SHC1: variants seen among roughly 807,000 people sequenced by gnomAD.
The protein encoded by SHC1 is SHC-transforming protein 1.
SHC1 carries 30 observed loss-of-function variants against 55.9 expected under a neutral mutation model. The ratio of observed to expected loss-of-function variants is 0.54; its 90% CI spans 0.40 to 0.73. The LOEUF (loss-of-function observed/expected upper bound fraction) is 0.73, where lower values mean the gene tolerates loss of function less well. SHC1 is among the 30% of genes least tolerant of loss of function. SHC1 has a pLI of 0.00. For synonymous variants in SHC1, 309 were observed against 306.1 expected (o/e 1.01, Z -0.10); for missense variants, 675 against 777.1 (o/e 0.87, Z 1.56).
upstream of SHC1, among the ~76,000 whole-genome samples, chr1:154,971,201 G>T (rs969996865): frequency 1.3e-5 from 2 of 152,084 alleles, no homozygotes; most frequent in African/African-American, 4.8e-5. Context: ...CTCTATGCCC[G>T]AAAGCTGGCT....
chr1:154,967,904 T>G lies in SHC1; in HGVS notation c.856+76A>C, dbSNP rs1656214459. The G allele has an allele frequency of 1.9e-6, 3 of 1,604,444 alleles. No individual in the cohort carries two copies. The South Asian group carries it at 3.3e-5, about 18-fold the overall frequency. On this transcript the variant is annotated intron_variant, in intron 6 of 11. Coordinates refer to ENST00000448116, the MANE Select transcript of SHC1 (RefSeq NM_001130040.2). ...AACCCCCACTGAGATCTACTTAGAG[T>G]GGGTACAGATGACCAAAGGTCCTAC... is the stretch of plus-strand genomic sequence containing the variant.
chr1:154,970,822 A>G, upstream of SHC1: 1 of 291,028 alleles, frequency 3.4e-6, no homozygotes, highest in Non-Finnish European at 6.5e-6. This position sits in a 1 kb window ranked among gnomAD's most constrained non-coding sequence, Gnocchi z 5.5. Context: ...GGAGAGACCA[A>G]TCGTGAGGAC....
intron 11 of SHC1, chr1:154,964,345 G>A (rs1348905656): frequency 2.2e-6 from 1 of 457,852 alleles, no homozygotes; most frequent in East Asian, 7.0e-5. Context: ...AGAACAGCTT[G>A]GGCAACATGG....
chr1:154,971,223 A>G (rs763261389), upstream of SHC1, among the ~76,000 whole-genome samples: 1 of 152,072 alleles, frequency 6.6e-6, no homozygotes, highest in African/African-American at 2.4e-5. Context: ...GCCCCAGCCC[A>G]GGCCACCCCC....
intron 7 of SHC1, among the ~76,000 whole-genome samples, 169 bp from the exon 8 acceptor site, chr1:154,966,686 G>A (rs1656031632): frequency 6.6e-6 from 1 of 152,216 alleles, no homozygotes; most frequent in South Asian, 2.1e-4. Context: ...CGTAAGGTAG[G>A]TATTGTTTCC....
Position 154,963,672 on chromosome 1 carries a change from C to T in SHC1, c.*131G>A. ...CTCTCACTCAGCTGGATATGAAACC[C>T]AGAGTCCATGCTACTCCCAGCTCTG... On this transcript the variant is annotated 3_prime_UTR_variant, in exon 12 of 12. Transcript: ENST00000448116. 1 of 895,040 alleles carries T rather than the reference C, an allele frequency of 1.1e-6. No homozygotes were observed. Among genetic ancestry groups the T allele is most frequent in the Non-Finnish European group, 1.7e-6 (1 of 584,094 alleles). 55.4% of individuals were successfully genotyped at this position (895,040 alleles called of 1,614,324 possible).
Position 154,970,694 on chromosome 1 carries a change from T to A in SHC1, c.-168A>T. The A allele has an allele frequency of 1.8e-6, 1 of 555,548 alleles. No individual in the cohort carries two copies. Among genetic ancestry groups the A allele is most frequent in the South Asian group, 2.3e-5 (1 of 44,076 alleles). 34.4% of individuals were successfully genotyped at this position (555,548 alleles called of 1,614,324 possible). A position where few individuals can be genotyped will look rare whatever the true frequency, so the allele number is the denominator to read the frequency against. On this transcript the variant is annotated 5_prime_UTR_variant, in exon 1 of 12. An upstream open reading frame in the 5' UTR loses its in-frame stop. Transcript: ENST00000448116. This position sits in a 1 kb window ranked among gnomAD's most constrained non-coding sequence, Gnocchi z 5.5. ...GGACAAGTGGCTTCCGCTCCCCAGC[T>A]CAGACCCAGACAGTTTCAGGCCCCA...
chr1:154,964,091 T>G, intron 11 of SHC1, 160 bp from the exon 12 acceptor site: 1 of 807,292 alleles, frequency 1.2e-6, no homozygotes, highest in East Asian at 2.5e-5. Flanking sequence ...GAGGCTTCTC[T>G]AGAAAGAGAC....
Position 154,970,445 on chromosome 1 carries a change from A to C in SHC1, c.82T>G (p.Ser28Ala). 3 of 1,611,380 alleles carry C rather than the reference A, an allele frequency of 1.9e-6. No individual in the cohort carries two copies. The highest frequency in any genetic ancestry group is 1.1e-5 in the South Asian group (1 of 90,898). The part of the protein sequence containing the change: ...LSSLEEGASG[S>A]TPPEELPSPS... ...GAAGGCAGCTCCTCCGGGGGGGTGG[A>C]CCCAGAAGCCCCTTCCTCCAGCGAT... The change falls in exon 1 of 12, where the codon TCC becomes GCC. Residue 28 changes from serine (S) to alanine (A), a missense_variant. Transcript: ENST00000448116. The surrounding 1 kb of genome is among the most constrained non-coding windows in gnomAD (Gnocchi z 5.5).
At chr1:154,968,944 T>A in intron 2 of SHC1, 110 bp from the exon 3 acceptor site, 1 of 908,212 alleles carries the variant, frequency 1.1e-6, no homozygotes, top group Admixed American at 1.8e-5. Context: ...CCCAGGGCAC[T>A]CCAGGCTCTT....
rs1257636741 is a variant in SHC1, at chr1:154,966,018, G to C, written c.1315C>G (p.Gln439Glu). The change falls in exon 10 of 12, where the codon CAA becomes GAA. Residue 439 changes from glutamine to glutamate, a missense_variant. Transcript: ENST00000448116. ...GGGGGCCCAGCACCACCCACTGCTT[G>C]CCGGGCCTTGTCTAGGTTCTGGACG... is the stretch of plus-strand genomic sequence containing the variant. ...VNVQNLDKAR[Q>E]AVGGAGPPNP... The C allele has an allele frequency of 1.2e-6, 2 of 1,614,074 alleles. No homozygotes were observed. Among genetic ancestry groups the C allele is most frequent in the Admixed American group, 1.7e-5 (1 of 60,012 alleles).
chr1:154,968,958 C>T, intron 2 of SHC1, 124 bp from the exon 3 acceptor site: 1 of 832,574 alleles, frequency 1.2e-6, no homozygotes, highest in South Asian at 1.4e-5. Context: ...GGCTCTTTGT[C>T]ATGGTGGATT....
chr1:154,968,241 T>G lies in SHC1; in HGVS notation c.767A>C (p.His256Pro). The G allele has an allele frequency of 2.5e-6, 4 of 1,614,080 alleles. No individual in the cohort carries two copies. The highest frequency in any genetic ancestry group is 3.4e-6 in the Non-Finnish European group (4 of 1,179,980). Residue 256 changes from histidine to proline, a missense_variant, in exon 5 of 12, where the codon CAC becomes CCC. Coordinates refer to ENST00000448116, the MANE Select transcript of SHC1 (RefSeq NM_001130040.2). ...ADCKQIIANH[H>P]MQSISFASGG... Reference sequence around the variant, plus strand: ...GGATGCAAATGAGATAGATTGCATGTGGTGGTTGGCGATGATCTGAGAATT... The same window carrying G: ...GGATGCAAATGAGATAGATTGCATGGGGTGGTTGGCGATGATCTGAGAATT...
chr1:154,963,733 G>T lies in SHC1; in HGVS notation c.*70C>A. 1.3e-6 allele frequency: 2 copies of T among 1,549,746 alleles called. No homozygotes were observed. The highest frequency in any genetic ancestry group is 2.3e-5 in the South Asian group (2 of 87,604). On this transcript the variant is annotated 3_prime_UTR_variant, in exon 12 of 12. Coordinates refer to ENST00000448116, the MANE Select transcript of SHC1 (RefSeq NM_001130040.2). Reference sequence around the variant, plus strand: ...AAGCCCACAGAACACTCCCAAACGAGGTCCCGAGAGTTAGGGAATAGGGTG... The same window carrying T: ...AAGCCCACAGAACACTCCCAAACGATGTCCCGAGAGTTAGGGAATAGGGTG...
Position 154,965,719 on chromosome 1 carries a change from G to A in SHC1, c.1450C>T (p.Leu484Phe). Residue 484 changes from leucine to phenylalanine, a missense_variant, in exon 11 of 12, where the codon CTC (leucine) becomes TTC (phenylalanine). By Grantham distance (22) the Leu-to-Phe change is conservative (BLOSUM62 0). Around this residue, in one of 3 missense-constraint regions of SHC1, gnomAD observed 360 missense variants for 371.1 expected, o/e 0.97. Transcript: ENST00000448116. Reference protein sequence around the residue: ...PPQSVSMAEQLRGEPWFHGKL... With the variant: ...PPQSVSMAEQFRGEPWFHGKL... Reference sequence around the variant, plus strand: ...CCATGGAACCAGGGCTCCCCTCGGAGCTGCTCAGCCATGGACACCGACTGG... The same window carrying A: ...CCATGGAACCAGGGCTCCCCTCGGAACTGCTCAGCCATGGACACCGACTGG... 2 of 1,614,176 alleles carry A rather than the reference G, an allele frequency of 1.2e-6. No homozygotes were observed. Among genetic ancestry groups the A allele is most frequent in the Non-Finnish European group, 1.7e-6 (2 of 1,180,022 alleles).
In SHC1 at chr1:154,967,662, C is replaced by T; in HGVS notation, c.983+9G>A. 6.2e-7 allele frequency: 1 copy of T among 1,613,506 alleles called. No homozygotes were observed. The highest frequency in any genetic ancestry group is 8.5e-7 in the Non-Finnish European group (1 of 1,179,602). On this transcript the variant is annotated intron_variant, in intron 7 of 11. Coordinates refer to ENST00000448116, the MANE Select transcript of SHC1 (RefSeq NM_001130040.2). Reference sequence around the variant, plus strand: ...CAAGAGCTGCTCCACACTCTCCCCACCTGCTCACCTGTCATGAGGGGTGAC... The same window carrying T: ...CAAGAGCTGCTCCACACTCTCCCCATCTGCTCACCTGTCATGAGGGGTGAC...
chr1:154,969,618 G>A (rs948982151), intron 1 of SHC1, among the ~76,000 whole-genome samples, 170 bp from the exon 2 acceptor site: 1 of 152,222 alleles, frequency 6.6e-6, no homozygotes, highest in African/African-American at 2.4e-5. Context: ...AACAGGGAAT[G>A]AGGAGAAAAA....
upstream of SHC1, among the ~76,000 whole-genome samples, chr1:154,972,014 G>A (rs1558064378): frequency 1.3e-5 from 2 of 152,240 alleles, no homozygotes; most frequent in Non-Finnish European, 2.9e-5. Flanking sequence ...TTGGGAGGCT[G>A]AGGCGGGTGG....
At position 154,970,369 on chromosome 1, in the gene SHC1, T is replaced by C. The variant is rs562395784; in HGVS notation, c.158A>G (p.Asp53Gly). ...GPILPPLPGDDSPTTLCSFFP... is the reference protein window; with the variant it reads ...GPILPPLPGDGSPTTLCSFFP... ...GAAGGAGCACAGGGTAGTGGGACTA[T>C]CGTCCCCAGGCAGAGGAGGCAGGAT... The change falls in exon 1 of 12, where the codon GAT (aspartate) becomes GGT (glycine). Residue 53 changes from aspartate (D) to glycine (G), a missense_variant. Asp to Gly is a moderately conservative substitution (Grantham distance 94). Coordinates refer to ENST00000448116, the MANE Select transcript of SHC1 (RefSeq NM_001130040.2). The surrounding 1 kb of genome is among the most constrained non-coding windows in gnomAD (Gnocchi z 5.5). 6 of 1,604,574 alleles carry C rather than the reference T, an allele frequency of 3.7e-6. No individual in the cohort carries two copies. In the South Asian group the frequency reaches 6.7e-5, roughly 18 times the overall value.
Sources: allele counts gnomAD v4.1 joint callset (sites outside exome capture counted in the v4.1 genomes callset), GRCh38; gene constraint gnomAD v4.1.1; regional missense constraint gnomAD v4.1.1; non-coding constraint Gnocchi (gnomAD v3.1); transcripts MANE v1.5; gene names NCBI Gene and HGNC (gene_info 2026-07-23, HGNC 2026-07-21).